Variants in EP400 observed in about 807,000 individuals in gnomAD.
The protein encoded by EP400 is E1A-binding protein p400.
EP400 carries 105 observed loss-of-function variants against 354.1 expected under a neutral mutation model. The ratio of observed to expected loss-of-function variants is 0.30; its 90% confidence interval spans 0.25 to 0.35. EP400 has a LOEUF of 0.35. EP400 is among the 10% of genes least tolerant of loss of function. The probability of loss-of-function intolerance (pLI) is 1.00; values close to 1 mark genes in which losing one functional copy is unlikely to be tolerated. For missense variants in EP400, 3,280 were observed against 4,121.0 expected (o/e 0.80, Z 5.59); for synonymous variants, 1,646 against 1,716.9 (o/e 0.96, Z 1.02).
rs766656028 is a variant in EP400 at position 132,013,129 on chromosome 12, G to A, written c.3562G>A (p.Val1188Met). The A allele has an allele frequency of 1.3e-5, 21 of 1,614,022 alleles. No homozygotes were observed. The highest frequency in any genetic ancestry group is 3.3e-5 in the Admixed American group (2 of 60,002). ...KCLVIDEMQR[V>M]KGMTERHWEA... ...CCTGGTCATTGATGAGATGCAGCGC[G>A]TGAAGGGCATGACCGAGAGGCACTG... Residue 1188 changes from valine (V) to methionine (M), a missense_variant, in exon 17 of 53, where the codon GTG (valine) becomes ATG (methionine). Around this residue, in one of 20 missense-constraint regions of EP400, gnomAD observed 242 missense variants for 357.9 expected, o/e 0.68. Transcript: ENST00000389561. The surrounding 1 kb of genome is among the most constrained non-coding windows in gnomAD (Gnocchi z 4.5).
intron 2 of EP400, among the ~76,000 whole-genome samples, chr12:131,964,323 TG>T (rs1362814492): frequency 6.6e-6 from 1 of 152,146 alleles, no homozygotes; most frequent in Non-Finnish European, 1.5e-5. Flanking sequence ...GAAAATTAGC[TG>T]GGCATGGTGG....
chr12:132,036,606 G>T (rs953712983), intron 30 of EP400, among the ~76,000 whole-genome samples: 5 of 152,398 alleles, frequency 3.3e-5, no homozygotes, highest in South Asian at 2.1e-4. Flanking sequence ...ACTGTCACAC[G>T]TGCAGCAGCA....
intron 2 of EP400, among the ~76,000 whole-genome samples, chr12:131,965,593 C>T (rs533798569): frequency 6.6e-6 from 1 of 152,202 alleles, no homozygotes; most frequent in East Asian, 1.9e-4. Context: ...CACAGTCAAG[C>T]AACAGAAGCT....
intron 47 of EP400, among the ~76,000 whole-genome samples, chr12:132,064,296 G>C (rs1159514961): frequency 6.6e-6 from 1 of 152,186 alleles, no homozygotes; most frequent in Admixed American, 6.5e-5. Flanking sequence ...AAAGAGACTT[G>C]ATAGTCATGA....
At position 131,954,657 on chromosome 12, in the gene EP400, G is replaced by A. The variant is rs1245030320; in HGVS notation, c.-36+4621G>A. Among the ~76,000 whole-genome samples the A allele has an allele frequency of 3.3e-5, 5 of 149,936 alleles. No homozygotes were observed. In the Admixed American group the frequency reaches 3.3e-4, roughly 10 times the overall value. ...GGAGAATCGCTTGAACCCGGGAGGCGGAGGGCGCAGTGAGCCGAAATCACG... is the reference window on the plus strand; with the variant it reads ...GGAGAATCGCTTGAACCCGGGAGGCAGAGGGCGCAGTGAGCCGAAATCACG... On this transcript the variant is annotated intron_variant, in intron 1 of 52. Transcript: ENST00000389561.
rs186889042 is a variant in EP400 at position 132,050,690 on chromosome 12, T to C, written c.7394+35T>C. On this transcript the variant is annotated intron_variant, in intron 41 of 52. Coordinates refer to ENST00000389561, the MANE Select transcript of EP400 (RefSeq NM_015409.5). This position sits in a 1 kb window ranked among gnomAD's most constrained non-coding sequence, Gnocchi z 4.8. ...TATTCGTGACACATTTGTTACTGTT[T>C]GGAAGGATTTCATTCCAGTGTCATC... 6,626 of 1,613,388 alleles carry C rather than the reference T, an allele frequency of 4.1e-3. 28 individuals are homozygous for C. Among genetic ancestry groups the C allele is most frequent in the Non-Finnish European group, 5.0e-3 (5,924 of 1,179,344 alleles).
intron 22 of EP400, 70 bp from the exon 23 acceptor site, chr12:132,021,009 T>G: frequency 1.4e-6 from 2 of 1,459,720 alleles, no homozygotes; most frequent in Non-Finnish European, 1.8e-6. Context: ...TCTTTAAAAT[T>G]CAGTTTAAAA....
At chr12:132,035,330 GCA>G (rs1350729017) in intron 30 of EP400, among the ~76,000 whole-genome samples, 5 of 152,228 alleles carry the variant, frequency 3.3e-5, no homozygotes, top group African/African-American at 1.2e-4. Flanking sequence ...TTGTCACATG[GCA>G]CAAAGCAGTC....
chr12:131,996,317 G>A lies in EP400; in HGVS notation c.2827+1361G>A, dbSNP rs557762538. ...ACTCTTTTTTTTTTTTTTTTGAGAT[G>A]GAGTCTCGCTGTCACCCAGGCTGGA... On this transcript the variant is annotated intron_variant, in intron 12 of 52. Coordinates refer to ENST00000389561, the MANE Select transcript of EP400 (RefSeq NM_015409.5). 6.6e-4 allele frequency among the ~76,000 whole-genome samples: 68 copies of A among 102,560 alleles called. 1 individual carries two copies. The highest frequency in any genetic ancestry group is 4.8e-3 in the African/African-American group (67 of 14,072). The allele number at this position is 102,560 out of a possible 152,430, so 67.3% of individuals were successfully genotyped here.
chr12:132,002,587 C>A (rs984564560), intron 12 of EP400, among the ~76,000 whole-genome samples: 1 of 152,216 alleles, frequency 6.6e-6, no homozygotes, highest in East Asian at 1.9e-4. Flanking sequence ...TTCATTCTGC[C>A]AGCTGATGGG....
At chr12:132,046,226 G>A (rs540512705) in intron 39 of EP400, among the ~76,000 whole-genome samples, 1 of 152,298 alleles carries the variant, frequency 6.6e-6, no homozygotes, top group African/African-American at 2.4e-5. Context: ...TAATGAGGGT[G>A]TCATCTGAAT....
chr12:132,019,054 G>T (rs919616678), intron 21 of EP400, among the ~76,000 whole-genome samples: 2 of 152,082 alleles, frequency 1.3e-5, no homozygotes, highest in East Asian at 3.9e-4. Flanking sequence ...GTGGATCACC[G>T]TCCCCTCATC....
At chr12:132,059,979 CACCAT>C (rs1593381345) in intron 45 of EP400, among the ~76,000 whole-genome samples, 1 of 151,270 alleles carries the variant, frequency 6.6e-6, no homozygotes, top group East Asian at 1.9e-4. Context: ...GCCAAGATCA[CACCAT>C]TGCTCTCCAG....
chr12:132,006,362 G>T, intron 14 of EP400, 60 bp downstream of exon 14: 1 of 1,546,220 alleles, frequency 6.5e-7, no homozygotes, highest in Non-Finnish European at 8.7e-7. Context: ...ACATAGCTTA[G>T]CCATGAGAAA....
At chr12:131,992,020 C>G (rs919475221) in intron 10 of EP400, among the ~76,000 whole-genome samples, 153 bp from the exon 11 acceptor site, 1 of 152,234 alleles carries the variant, frequency 6.6e-6, no homozygotes, top group Non-Finnish European at 1.5e-5. Flanking sequence ...CTCGCTCCCC[C>G]GCTGCCCTGC....
chr12:132,031,673 A>T (rs1048032943), intron 29 of EP400, among the ~76,000 whole-genome samples: 1 of 152,174 alleles, frequency 6.6e-6, no homozygotes, highest in African/African-American at 2.4e-5. Context: ...CTCCTGCCAC[A>T]GCCTCCCAAG....
intron 23 of EP400, among the ~76,000 whole-genome samples, chr12:132,021,791 T>C (rs971847547): frequency 1.3e-5 from 2 of 152,250 alleles, no homozygotes; most frequent in African/African-American, 4.8e-5. Context: ...TTACCAAATT[T>C]AAACTTGGGA....
At chr12:131,973,603 G>A (rs554880376) in intron 2 of EP400, among the ~76,000 whole-genome samples, 2 of 152,196 alleles carry the variant, frequency 1.3e-5, no homozygotes, top group South Asian at 2.1e-4. Context: ...AGATTGTGCC[G>A]CTGCACTCCA....
intron 3 of EP400, among the ~76,000 whole-genome samples, chr12:131,980,810 C>T (rs926845476): frequency 1.3e-5 from 2 of 152,158 alleles, no homozygotes; most frequent in Admixed American, 6.5e-5. Flanking sequence ...CCTCAGCCTC[C>T]CAAAGTGCTG....
Sources: allele counts gnomAD v4.1 joint callset (sites outside exome capture counted in the v4.1 genomes callset), GRCh38; gene constraint gnomAD v4.1.1; regional missense constraint gnomAD v4.1.1; non-coding constraint Gnocchi (gnomAD v3.1); transcripts MANE v1.5; gene names NCBI Gene and HGNC (gene_info 2026-07-23, HGNC 2026-07-21).